Variants in DNER observed in about 807,000 individuals in gnomAD.
DNER encodes the protein delta/notch like EGF repeat containing, also known as delta and Notch-like epidermal growth factor-related receptor.
Under a neutral mutation model 78.2 loss-of-function variants are expected in DNER, and 33 were observed. That is an observed-to-expected ratio of 0.42 (90% CI 0.32 to 0.56). The LOEUF is 0.56. DNER is among the 20% of genes least tolerant of loss of function. The pLI, the probability that DNER is intolerant of heterozygous loss-of-function variation, is 0.11. For missense variants in DNER, 918 were observed against 975.3 expected (o/e 0.94, Z 0.78); for synonymous variants, 417 against 384.8 (o/e 1.08, Z -0.98).
intron 1 of DNER, among the ~76,000 whole-genome samples, chr2:229,639,680 T>C (rs1299948196): frequency 1.3e-5 from 2 of 152,160 alleles, no homozygotes; most frequent in African/African-American, 4.8e-5. Context: ...TATTTGCATC[T>C]GGAAAAATAG....
chr2:229,692,163 T>C (rs1574568370), intron 1 of DNER, among the ~76,000 whole-genome samples: 1 of 152,234 alleles, frequency 6.6e-6, no homozygotes, highest in African/African-American at 2.4e-5. Flanking sequence ...TTGAGTCTTC[T>C]GTTGCTTGCA....
chr2:229,552,660 C>A (rs1207724757), intron 4 of DNER, among the ~76,000 whole-genome samples: 1 of 152,160 alleles, frequency 6.6e-6, no homozygotes, highest in Non-Finnish European at 1.5e-5. Context: ...TGTAAGTTTC[C>A]TGAGGGCTCC....
At chr2:229,684,169 A>AGAGAGTGTGT (rs1184050138) in intron 1 of DNER, among the ~76,000 whole-genome samples, 14 of 94,638 alleles carry the variant, frequency 1.5e-4, no homozygotes, top group African/African-American at 4.9e-4. Flanking sequence ...AGAGAGAGAG[A>AGAGAGTGTGT]GTGTGTGTGT....
chr2:229,584,629 T>C (rs1231530786), intron 4 of DNER, among the ~76,000 whole-genome samples: 3 of 152,124 alleles, frequency 2.0e-5, no homozygotes, highest in Non-Finnish European at 4.4e-5. Context: ...CTGGCGGCCA[T>C]TTCTACGCCA....
intron 5 of DNER, among the ~76,000 whole-genome samples, chr2:229,546,262 A>T (rs1475480059): frequency 6.6e-6 from 1 of 152,192 alleles, no homozygotes. Flanking sequence ...AATTCCATTC[A>T]TATTCAGATG....
At chr2:229,484,346 TAACTTGGGA>T (rs1291921884) in intron 6 of DNER, among the ~76,000 whole-genome samples, 4 of 152,214 alleles carry the variant, frequency 2.6e-5, no homozygotes, top group Non-Finnish European at 5.9e-5. Context: ...TCTGTACATC[TAACTTGGGA>T]AACACTGCAA....
At chr2:229,669,369 C>CATATATATATATAT (rs58371383) in intron 1 of DNER, among the ~76,000 whole-genome samples, 2,641 of 144,614 alleles carry the variant, frequency 0.018, 83 homozygotes, top group African/African-American at 0.06. Context: ...TGTATACATA[C>CATATATATATATAT]ATATATATAT....
intron 11 of DNER, 61 bp from the exon 12 acceptor site, chr2:229,367,180 C>T (rs1007808308): frequency 2.1e-5 from 34 of 1,595,402 alleles, no homozygotes; most frequent in Admixed American, 3.4e-5. Flanking sequence ...ATGAGAAGGC[C>T]TTTTTCATCT....
At chr2:229,654,257 T>C (rs888672053) in intron 1 of DNER, among the ~76,000 whole-genome samples, 5 of 152,170 alleles carry the variant, frequency 3.3e-5, no homozygotes, top group African/African-American at 1.2e-4. Context: ...GAATAGGATC[T>C]AGAACTAGAA....
intron 1 of DNER, among the ~76,000 whole-genome samples, chr2:229,610,185 G>C (rs1037971097): frequency 6.6e-6 from 1 of 152,152 alleles, no homozygotes; most frequent in African/African-American, 2.4e-5. Context: ...CACAAGTTCT[G>C]AAAATAAACA....
Position 229,491,163 on chromosome 2 carries a change from C to T in DNER, c.1148-13910G>A, listed in dbSNP as rs377101247. ...ATAGGTTCTCTCGGGCACTGTGCTC[C>T]GGCTCTTCAAACACGCTGGGCATAT... On this transcript the variant is annotated intron_variant, in intron 6 of 12. Coordinates refer to ENST00000341772, the MANE Select transcript of DNER (RefSeq NM_139072.4). 1.4e-4 allele frequency among the ~76,000 whole-genome samples: 21 copies of T among 152,270 alleles called. No individual in the cohort carries two copies. The East Asian group carries it at 2.9e-3, about 21-fold the overall frequency.
intron 1 of DNER, among the ~76,000 whole-genome samples, chr2:229,620,258 A>G (rs960349225): frequency 6.6e-6 from 1 of 152,268 alleles, no homozygotes; most frequent in African/African-American, 2.4e-5. Context: ...AAATAAATTC[A>G]GAAAGCAATT....
chr2:229,573,903 A>G (rs189869555), intron 4 of DNER, among the ~76,000 whole-genome samples: 17 of 152,332 alleles, frequency 1.1e-4, no homozygotes, highest in Admixed American at 8.5e-4. Context: ...CATTACTCCA[A>G]TGTATAAATG....
intron 12 of DNER, among the ~76,000 whole-genome samples, chr2:229,360,342 A>G (rs1692183544): frequency 1.3e-5 from 2 of 152,220 alleles, no homozygotes; most frequent in Admixed American, 6.5e-5. Context: ...AATTATATTA[A>G]CTAACTAATT....
At position 229,590,093 on chromosome 2, in the gene DNER, G is replaced by A. The variant is rs148610117; in HGVS notation, c.585+1487C>T. ...ATGAAACCCGTAATAATAACATACC[G>A]ACACAGGTTTATATGGATGTCATAC... On this transcript the variant is annotated intron_variant, in intron 2 of 12. Transcript: ENST00000341772. 4.4e-3 allele frequency among the ~76,000 whole-genome samples: 663 copies of A among 150,824 alleles called. 12 individuals carry two copies. Among genetic ancestry groups the A allele is most frequent in the African/African-American group, 0.015 (623 of 40,970 alleles).
Position 229,550,091 on chromosome 2 carries a change from C to T in DNER, c.848-2999G>A, listed in dbSNP as rs559086493. Among the ~76,000 whole-genome samples the T allele has an allele frequency of 3.9e-5, 6 of 151,930 alleles. No homozygotes were observed. The East Asian group carries it at 9.8e-4, about 25-fold the overall frequency. On this transcript the variant is annotated intron_variant, in intron 4 of 12. Transcript: ENST00000341772. Reference sequence around the variant, plus strand: ...CACTGCAACCTCTGCCTCCCAGGTTCAAGCAATCCTTGTGCCCCAGCCTCC... The same window carrying T: ...CACTGCAACCTCTGCCTCCCAGGTTTAAGCAATCCTTGTGCCCCAGCCTCC...
intron 1 of DNER, among the ~76,000 whole-genome samples, chr2:229,702,353 G>A (rs1408336526): frequency 1.3e-5 from 2 of 151,912 alleles, no homozygotes; most frequent in African/African-American, 2.4e-5. Flanking sequence ...TGGGCAATGT[G>A]GTGAAACCTT....
intron 5 of DNER, among the ~76,000 whole-genome samples, chr2:229,528,656 C>T (rs949683573): frequency 6.6e-6 from 1 of 152,094 alleles, no homozygotes; most frequent in Non-Finnish European, 1.5e-5. Context: ...ATATGGAAGC[C>T]CATGCTGACA....
intron 6 of DNER, among the ~76,000 whole-genome samples, chr2:229,506,671 C>T (rs1318754229): frequency 7.3e-6 from 1 of 137,480 alleles, no homozygotes; most frequent in African/African-American, 2.6e-5. Flanking sequence ...CCTCCCCCCT[C>T]CCCCTACCCC....
Sources: allele counts gnomAD v4.1 joint callset (sites outside exome capture counted in the v4.1 genomes callset), GRCh38; gene constraint gnomAD v4.1.1; transcripts MANE v1.5; gene names NCBI Gene and HGNC (gene_info 2026-07-23, HGNC 2026-07-21).